The following MYBPC1 variants were observed in gnomAD, a reference collection of about 807,000 sequenced individuals.
The protein encoded by MYBPC1 is myosin binding protein C1.
In MYBPC1, 52 loss-of-function variants were observed where a neutral mutation model predicts 147.1. The ratio of observed to expected loss-of-function variants is 0.35; its 90% CI spans 0.28 to 0.45. MYBPC1 has a LOEUF of 0.45. Among genes scored for constraint, MYBPC1 ranks in the 20% least tolerant of loss-of-function variants. MYBPC1 has a pLI of 1.00. For missense variants in MYBPC1, 1,228 were observed against 1,440.3 expected, an observed-to-expected ratio of 0.85 and a Z score of 2.39; for synonymous variants, 477 against 475.9, an observed-to-expected ratio of 1.00 and a Z score of -0.03.
At chr12:101,602,495 G>C (rs182644555) in intron 1 of MYBPC1, among the ~76,000 whole-genome samples, 1 of 152,318 alleles carries the variant, frequency 6.6e-6, no homozygotes, top group Admixed American at 6.5e-5. Flanking sequence ...GGGATTACAG[G>C]CATGAGCCAC....
chr12:101,690,874 T>C (rs1021846115), downstream of MYBPC1, among the ~76,000 whole-genome samples: 2 of 152,190 alleles, frequency 1.3e-5, no homozygotes, highest in African/African-American at 4.8e-5. Flanking sequence ...CCATAAAATT[T>C]AGACTTTAGA....
At chr12:101,687,672 G>A (rs4597119), downstream of MYBPC1, among the ~76,000 whole-genome samples, 123,620 of 152,202 alleles carry the variant, frequency 0.81, 50,505 homozygotes, top group African/African-American at 0.9. Flanking sequence ...GGCAAACCCA[G>A]TCAACGTGGT....
intron 24 of MYBPC1, among the ~76,000 whole-genome samples, chr12:101,672,171 C>T (rs1358931167): frequency 6.6e-6 from 1 of 152,194 alleles, no homozygotes; most frequent in Non-Finnish European, 1.5e-5. Context: ...AACTGTTTTT[C>T]CCTATCTTCA....
At chr12:101,598,060 C>T (rs1356271890) in intron 1 of MYBPC1, among the ~76,000 whole-genome samples, 1 of 148,606 alleles carries the variant, frequency 6.7e-6, no homozygotes, top group Non-Finnish European at 1.5e-5. Flanking sequence ...CACTCTGTGG[C>T]CCAGGCTGGA....
At chr12:101,598,933 G>T (rs1157770257) in intron 1 of MYBPC1, among the ~76,000 whole-genome samples, 1 of 152,176 alleles carries the variant, frequency 6.6e-6, no homozygotes, top group African/African-American at 2.4e-5. Context: ...CTAAAACACT[G>T]AGTTGAGGCC....
intron 30 of MYBPC1, among the ~76,000 whole-genome samples, chr12:101,683,016 T>A (rs1951115406): frequency 6.6e-6 from 1 of 152,240 alleles, no homozygotes; most frequent in Admixed American, 6.5e-5. Context: ...GAGACTTTTT[T>A]AAAGATAGTT....
chr12:101,616,130 G>A (rs556911154), intron 2 of MYBPC1, among the ~76,000 whole-genome samples: 2 of 152,094 alleles, frequency 1.3e-5, no homozygotes, highest in Non-Finnish European at 2.9e-5. Flanking sequence ...ACTATGTGTC[G>A]AAATGAACGA....
intron 29 of MYBPC1, among the ~76,000 whole-genome samples, chr12:101,681,962 T>C (rs1951030033): frequency 6.6e-6 from 1 of 151,856 alleles, no homozygotes; most frequent in African/African-American, 2.4e-5. Flanking sequence ...AATTCATAAT[T>C]GAGTGAAAGG....
chr12:101,686,783 G>A (rs1374979593), downstream of MYBPC1, among the ~76,000 whole-genome samples: 2 of 152,088 alleles, frequency 1.3e-5, no homozygotes, highest in African/African-American at 4.8e-5. Flanking sequence ...TTCTATGGTG[G>A]TCATGGATCT....
chr12:101,647,305 C>T (rs1004724742), intron 13 of MYBPC1, among the ~76,000 whole-genome samples: 2 of 152,120 alleles, frequency 1.3e-5, no homozygotes, highest in Non-Finnish European at 2.9e-5. Flanking sequence ...ACAGCCATGT[C>T]TTCCTTATTT....
intron 19 of MYBPC1, chr12:101,660,582 C>A: frequency 6.3e-6 from 1 of 159,990 alleles, no homozygotes; most frequent in Non-Finnish European, 1.4e-5. Flanking sequence ...TTATTTCGGG[C>A]AAGGGGTGGG....
chr12:101,693,839 T>C, the MYBPC1 span, among the ~76,000 whole-genome samples: 1 of 152,202 alleles, frequency 6.6e-6, no homozygotes, highest in Non-Finnish European at 1.5e-5. Context: ...CAGTTAGGCA[T>C]AGCAGCCATG....
At position 101,621,071 on chromosome 12, in the gene MYBPC1, T is replaced by A. The variant is rs368770423; in HGVS notation, c.103+3828T>A. Among the ~76,000 whole-genome samples the A allele has an allele frequency of 3.4e-4, 52 of 152,326 alleles. 1 individual carries two copies. The South Asian group carries it at 0.01, about 30-fold the overall frequency. ...TGATTTTGTTTTAAATTTAAAAAAA[T>A]GATTTTTAAAAAAATTTAGGTTCTT... On this transcript the variant is annotated intron_variant, in intron 3 of 31. Transcript: ENST00000361466.
At chr12:101,675,988 G>A (rs1265838967) in intron 26 of MYBPC1, among the ~76,000 whole-genome samples, 1 of 152,208 alleles carries the variant, frequency 6.6e-6, no homozygotes, top group Non-Finnish European at 1.5e-5. Flanking sequence ...ATGCAAACTT[G>A]TCCAACCCGT....
At chr12:101,643,054 C>T (rs1892390037) in intron 11 of MYBPC1, among the ~76,000 whole-genome samples, 2 of 152,040 alleles carry the variant, frequency 1.3e-5, no homozygotes, top group Admixed American at 6.6e-5. Context: ...GTCTGAAATA[C>T]CTTTTTAAAG....
intron 26 of MYBPC1, among the ~76,000 whole-genome samples, chr12:101,676,732 C>CA (rs1314523974): frequency 6.6e-6 from 1 of 151,214 alleles, no homozygotes; most frequent in Non-Finnish European, 1.5e-5. Flanking sequence ...GCCTGGGTGA[C>CA]AGAGTGAGAT....
At chr12:101,632,192 G>A (rs902521952) in intron 8 of MYBPC1, 54 bp downstream of exon 8, 2 of 1,206,558 alleles carry the variant, frequency 1.7e-6, no homozygotes, top group African/African-American at 3.0e-5. Flanking sequence ...GGTGTGAGGG[G>A]ATGGAGAAGA....
At chr12:101,653,735 G>A (rs1023194568) in intron 18 of MYBPC1, among the ~76,000 whole-genome samples, 1 of 152,132 alleles carries the variant, frequency 6.6e-6, no homozygotes, top group Non-Finnish European at 1.5e-5. Flanking sequence ...AAGGCCAAGG[G>A]GAGAGAATAA....
intron 12 of MYBPC1, among the ~76,000 whole-genome samples, chr12:101,645,697 T>A (rs945236093): frequency 6.6e-6 from 1 of 152,240 alleles, no homozygotes; most frequent in African/African-American, 2.4e-5. Context: ...TTTTTAAATA[T>A]CTTGTTCTTG....
Sources: allele counts gnomAD v4.1 joint callset (sites outside exome capture counted in the v4.1 genomes callset), GRCh38; gene constraint gnomAD v4.1.1; transcripts MANE v1.5; gene names NCBI Gene and HGNC (gene_info 2026-07-23, HGNC 2026-07-21).